Variants in NBAS observed in about 807,000 individuals in gnomAD.
NBAS encodes the protein NBAS subunit of NRZ tethering complex, also known as NAG/BC035112 fusion.
NBAS carries 219 observed loss-of-function variants against 302.5 expected under a neutral mutation model. The ratio of observed to expected loss-of-function variants is 0.72; its 90% CI spans 0.65 to 0.81. NBAS has a LOEUF of 0.81. Ranked by LOEUF, NBAS falls within the 30% of genes least tolerant of loss-of-function variation. The probability of loss-of-function intolerance (pLI) is 0.00; values close to 1 mark genes in which losing one functional copy is unlikely to be tolerated. For missense variants in NBAS, 2,932 were observed against 2,841.6 expected (o/e 1.03, Z -0.72); for synonymous variants, 1,118 against 1,021.6 (o/e 1.09, Z -1.80).
chr2:15,124,384 T>C, the NBAS span, among the ~76,000 whole-genome samples: 1 of 152,144 alleles, frequency 6.6e-6, no homozygotes, highest in Non-Finnish European at 1.5e-5. Context: ...GGAACTTATG[T>C]TTAAAAGGGA....
chr2:14,857,221 T>A, the NBAS span, among the ~76,000 whole-genome samples: 1 of 151,902 alleles, frequency 6.6e-6, no homozygotes, highest in East Asian at 1.9e-4. Context: ...ATTAGAAAAA[T>A]CAATACTGTT....
the NBAS span, among the ~76,000 whole-genome samples, chr2:14,869,590 T>C: frequency 6.6e-6 from 1 of 152,132 alleles, no homozygotes; most frequent in Non-Finnish European, 1.5e-5. Flanking sequence ...ATCCATACCA[T>C]CGTCCTCCTC....
the NBAS span, among the ~76,000 whole-genome samples, chr2:15,148,742 T>C: frequency 6.6e-6 from 1 of 152,234 alleles, no homozygotes; most frequent in South Asian, 2.1e-4. Context: ...GATGCAAAAC[T>C]AGAATTTGGT....
At chr2:15,296,606 G>A (rs1670561300) in intron 40 of NBAS, among the ~76,000 whole-genome samples, 1 of 151,818 alleles carries the variant, frequency 6.6e-6, no homozygotes, top group East Asian at 1.9e-4. Context: ...CGAGGCTGGA[G>A]GCTCAATTGA....
At chr2:15,249,949 T>A (rs1419008757) in intron 44 of NBAS, among the ~76,000 whole-genome samples, 1 of 152,108 alleles carries the variant, frequency 6.6e-6, no homozygotes, top group Non-Finnish European at 1.5e-5. Context: ...TTCACAGAAG[T>A]GGAAAAAAAC....
chr2:14,934,746 A>G, the NBAS span, among the ~76,000 whole-genome samples: 1 of 152,148 alleles, frequency 6.6e-6, no homozygotes, highest in Non-Finnish European at 1.5e-5. Context: ...AAATTCTGAA[A>G]TCATGTTTGT....
intron 12 of NBAS, among the ~76,000 whole-genome samples, chr2:15,487,674 C>T: frequency 6.6e-6 from 1 of 152,176 alleles, no homozygotes; most frequent in East Asian, 1.9e-4. Flanking sequence ...GCCTGACATC[C>T]CCAGCTAAAT....
chr2:15,159,559 A>T, the NBAS span, among the ~76,000 whole-genome samples: 2 of 151,662 alleles, frequency 1.3e-5, no homozygotes, highest in South Asian at 2.1e-4. Flanking sequence ...TATGTGAAAT[A>T]CCTAGAGTAG....
At chr2:15,183,886 C>G (rs983171526) in intron 50 of NBAS, among the ~76,000 whole-genome samples, 2 of 152,194 alleles carry the variant, frequency 1.3e-5, no homozygotes, top group Non-Finnish European at 2.9e-5. Flanking sequence ...TTAGCAATCA[C>G]TGACCAGATG....
At chr2:15,018,714 C>A in the NBAS span, among the ~76,000 whole-genome samples, 1 of 151,564 alleles carries the variant, frequency 6.6e-6, no homozygotes, top group Non-Finnish European at 1.5e-5. Context: ...GTTTGAAAAC[C>A]ATTTCTACAC....
intron 48 of NBAS, among the ~76,000 whole-genome samples, chr2:15,208,778 A>T (rs1480617418): frequency 6.6e-6 from 1 of 152,184 alleles, no homozygotes. Flanking sequence ...ACATACCGAA[A>T]CCTATAGGTT....
chr2:15,298,833 A>AC (rs1670667845), intron 40 of NBAS, among the ~76,000 whole-genome samples: 2 of 152,180 alleles, frequency 1.3e-5, no homozygotes, highest in Admixed American at 6.5e-5. Context: ...GGGGATGTGC[A>AC]CGGGAAACAC....
intron 9 of NBAS, among the ~76,000 whole-genome samples, chr2:15,514,289 C>T (rs1318008993): frequency 1.3e-5 from 2 of 152,080 alleles, no homozygotes; most frequent in African/African-American, 4.8e-5. Context: ...TACTTTTGTA[C>T]ATGCTTCAAA....
intron 42 of NBAS, among the ~76,000 whole-genome samples, chr2:15,283,420 C>G (rs1218256835): frequency 6.6e-6 from 1 of 152,124 alleles, no homozygotes; most frequent in Non-Finnish European, 1.5e-5. Flanking sequence ...TGGTTACCCC[C>G]ATGCTGTGCT....
chr2:15,347,212 G>A (rs1673133269), intron 35 of NBAS, among the ~76,000 whole-genome samples: 1 of 152,204 alleles, frequency 6.6e-6, no homozygotes, highest in African/African-American at 2.4e-5. Flanking sequence ...TTGTGGAAAT[G>A]TAAAACATGT....
chr2:15,524,387 G>A (rs533013704), intron 9 of NBAS, among the ~76,000 whole-genome samples: 62 of 152,318 alleles, frequency 4.1e-4, no homozygotes, highest in African/African-American at 1.3e-3. Flanking sequence ...TAAATGTGAT[G>A]ATATAGATTG....
the NBAS span, among the ~76,000 whole-genome samples, chr2:15,096,635 C>T: frequency 6.6e-6 from 1 of 152,178 alleles, no homozygotes; most frequent in Admixed American, 6.6e-5. Flanking sequence ...CTCCTGCCAC[C>T]CACAGACAGG....
At chr2:15,457,915 T>A (rs2111458) in intron 21 of NBAS, among the ~76,000 whole-genome samples, 92,920 of 152,066 alleles carry the variant, frequency 0.61, 29,343 homozygotes, top group Non-Finnish European at 0.68. Context: ...ATCCTTCAGG[T>A]CCTCGGTAAA....
the NBAS span, among the ~76,000 whole-genome samples, chr2:14,844,683 G>A: frequency 1.3e-5 from 2 of 152,136 alleles, no homozygotes; most frequent in African/African-American, 4.8e-5. Flanking sequence ...GCCCTGAAGG[G>A]TGAGGCCCAG....
Sources: allele counts gnomAD v4.1 joint callset (sites outside exome capture counted in the v4.1 genomes callset), GRCh38; gene constraint gnomAD v4.1.1; transcripts MANE v1.5; gene names NCBI Gene and HGNC (gene_info 2026-07-23, HGNC 2026-07-21).